Variants in RBM20 observed in about 807,000 individuals in gnomAD.
RBM20 encodes RNA-binding protein 20.
In RBM20, 51 loss-of-function variants were observed where a neutral mutation model predicts 110.1. The ratio of observed to expected loss-of-function variants is 0.46; its 90% CI spans 0.37 to 0.59. The LOEUF (loss-of-function observed/expected upper bound fraction) is 0.59, where lower values mean the gene tolerates loss of function less well. RBM20 is among the 20% of genes least tolerant of loss of function. The pLI is 0.00. For synonymous variants in RBM20, 589 were observed against 618.2 expected (o/e 0.95, Z 0.70); for missense variants, 1,512 against 1,574.9 (o/e 0.96, Z 0.68).
At chr10:110,740,187 C>A (rs1843710959) in intron 1 of RBM20, among the ~76,000 whole-genome samples, 1 of 152,194 alleles carries the variant, frequency 6.6e-6, no homozygotes, top group Non-Finnish European at 1.5e-5. Flanking sequence ...ATTTTGTAAC[C>A]ATCTGTTGGC....
chr10:110,647,786 T>A (rs532794934), intron 1 of RBM20, among the ~76,000 whole-genome samples: 87 of 152,352 alleles, frequency 5.7e-4, no homozygotes, highest in African/African-American at 2.0e-3. Flanking sequence ...CCTTTATTTA[T>A]AAGAAGTTAT....
At position 110,799,789 on chromosome 10, in the gene RBM20, C is replaced by T; in HGVS notation, c.1671C>T (p.Ala557=). Residue 557 remains alanine (A), a splice_region_variant and synonymous_variant, in exon 7 of 14, where the codon GCC becomes GCT. Transcript: ENST00000369519. ...AGTGTCCTTCCTTTCTTTCTTAGGC[C>T]TTTTTAGAGATGGCTTACACAGAAG... ...NYILMKSTNQ[A]FLEMAYTEAA... 6.4e-7 allele frequency: 1 copy of T among 1,550,482 alleles called. No homozygotes were observed. The highest frequency in any genetic ancestry group is 8.7e-7 in the Non-Finnish European group (1 of 1,146,436).
intron 1 of RBM20, among the ~76,000 whole-genome samples, chr10:110,663,025 C>T (rs1410981351): frequency 2.0e-5 from 3 of 151,912 alleles, no homozygotes; most frequent in Non-Finnish European, 4.4e-5. Context: ...AGTTCAATGG[C>T]ACGATTTTGT....
chr10:110,709,562 CTTTTTTTTTT>C (rs10713170), intron 1 of RBM20, among the ~76,000 whole-genome samples: 1 of 135,466 alleles, frequency 7.4e-6, no homozygotes, highest in Non-Finnish European at 1.6e-5. Context: ...GTGATAATTT[CTTTTTTTTTT>C]TTTTTTTTAA....
intron 1 of RBM20, among the ~76,000 whole-genome samples, chr10:110,772,851 A>G (rs768805435): frequency 6.6e-6 from 1 of 152,238 alleles, no homozygotes; most frequent in Non-Finnish European, 1.5e-5. Context: ...ATCACGTTTG[A>G]TCTTTACAGT....
At chr10:110,783,958 C>T (rs1347519498) in intron 3 of RBM20, among the ~76,000 whole-genome samples, 2 of 152,174 alleles carry the variant, frequency 1.3e-5, no homozygotes, top group African/African-American at 4.8e-5. Context: ...TACGGATTTG[C>T]CTGTTCTGTA....
chr10:110,678,085 A>T (rs533208940), intron 1 of RBM20, among the ~76,000 whole-genome samples: 1 of 152,346 alleles, frequency 6.6e-6, no homozygotes, highest in Admixed American at 6.5e-5. Context: ...AACCAAAAAA[A>T]TAGGTAACTA....
At chr10:110,760,320 T>C (rs1564837224) in intron 1 of RBM20, among the ~76,000 whole-genome samples, 1 of 151,408 alleles carries the variant, frequency 6.6e-6, no homozygotes, top group Non-Finnish European at 1.5e-5. Flanking sequence ...AAATCCCTTC[T>C]CCCTTCTTGG....
chr10:110,659,809 T>C (rs1862076153), intron 1 of RBM20, among the ~76,000 whole-genome samples: 1 of 137,622 alleles, frequency 7.3e-6, no homozygotes, highest in Non-Finnish European at 1.7e-5. Context: ...CCCCTTCCCC[T>C]TCCTCTTCTT....
rs191106839 is a variant in RBM20 at position 110,657,299 on chromosome 10, G to A, written c.191+12654G>A. On this transcript the variant is annotated intron_variant, in intron 1 of 13. Transcript: ENST00000369519. Reference sequence around the variant, plus strand: ...CAAGGTGCTGGGATTACAGGCATGAGCCACCATGCCCGGCCTGTTCTTTTT... The same window carrying A: ...CAAGGTGCTGGGATTACAGGCATGAACCACCATGCCCGGCCTGTTCTTTTT... Among the ~76,000 whole-genome samples, 199 of 151,564 alleles carry A rather than the reference G, an allele frequency of 1.3e-3. 1 individual carries two copies. Among genetic ancestry groups the A allele is most frequent in the African/African-American group, 4.6e-3 (192 of 41,314 alleles).
At chr10:110,826,241 T>C (rs1054893373) in intron 12 of RBM20, among the ~76,000 whole-genome samples, 2 of 152,184 alleles carry the variant, frequency 1.3e-5, no homozygotes, top group South Asian at 2.1e-4. Flanking sequence ...CTTTTTAAAA[T>C]TGGCTCTATT....
At chr10:110,741,931 C>T (rs554127057) in intron 1 of RBM20, among the ~76,000 whole-genome samples, 2 of 152,134 alleles carry the variant, frequency 1.3e-5, no homozygotes, top group Non-Finnish European at 2.9e-5. Flanking sequence ...TCCCCATGGA[C>T]GTACACTCCT....
intron 9 of RBM20, among the ~76,000 whole-genome samples, chr10:110,815,632 G>C (rs2135110967): frequency 6.6e-6 from 1 of 152,346 alleles, no homozygotes; most frequent in East Asian, 1.9e-4. Flanking sequence ...AAGGCTGAGA[G>C]GTGGAGCTGC....
chr10:110,794,740 A>G (rs189244290), intron 5 of RBM20, among the ~76,000 whole-genome samples: 42 of 152,380 alleles, frequency 2.8e-4, no homozygotes, highest in South Asian at 4.1e-4. Flanking sequence ...AGAACTCAGA[A>G]GATGTCTTTT....
chr10:110,809,018 C>T (rs1844729959), intron 7 of RBM20, among the ~76,000 whole-genome samples: 1 of 151,846 alleles, frequency 6.6e-6, no homozygotes, highest in Non-Finnish European at 1.5e-5. Context: ...CGTTCAAGAC[C>T]AGCCCTGGCA....
At chr10:110,752,753 C>A (rs1295116063) in intron 1 of RBM20, among the ~76,000 whole-genome samples, 2 of 151,944 alleles carry the variant, frequency 1.3e-5, no homozygotes, top group Non-Finnish European at 2.9e-5. Flanking sequence ...GCCCCTGGCA[C>A]CCAGAAGCCC....
upstream of RBM20, chr10:110,644,325 G>T (rs1345363625): frequency 3.6e-5 from 23 of 636,908 alleles, no homozygotes; most frequent in Admixed American, 1.3e-4. The surrounding 1 kb of genome is among the most constrained non-coding windows in gnomAD (Gnocchi z 4.3). Context: ...CGCCCCTCGC[G>T]TCTCCTCCCC....
chr10:110,712,468 A>G (rs112748307), intron 1 of RBM20, among the ~76,000 whole-genome samples: 57 of 152,342 alleles, frequency 3.7e-4, no homozygotes, highest in African/African-American at 1.3e-3. Flanking sequence ...ATTGAGGCCA[A>G]TAAAAACTGA....
intron 5 of RBM20, among the ~76,000 whole-genome samples, chr10:110,791,561 GA>G (rs1486580945): frequency 7.2e-5 from 11 of 152,192 alleles, no homozygotes; most frequent in Admixed American, 7.2e-4. Flanking sequence ...AAAGGTCTTA[GA>G]ATCTTCATAT....
Sources: gnomAD v4.1 joint callset for allele counts (sites outside exome capture counted in the v4.1 genomes callset) on GRCh38, gnomAD v4.1.1 for gene constraint, Gnocchi (gnomAD v3.1) non-coding constraint, MANE v1.5 for transcripts, NCBI Gene and HGNC (gene_info 2026-07-23, HGNC 2026-07-21) for gene names.